HCN1: variants seen among roughly 807,000 people sequenced by gnomAD.
HCN1 encodes potassium/sodium hyperpolarization-activated cyclic nucleotide-gated channel 1.
Under a neutral mutation model 78.9 loss-of-function variants are expected in HCN1, and 13 were observed. That is an observed-to-expected ratio of 0.16 (90% CI 0.11 to 0.26). HCN1 has a LOEUF of 0.26. Ranked by LOEUF, HCN1 falls within the 10% of genes least tolerant of loss-of-function variation. The pLI is 1.00. For synonymous variants in HCN1, 552 were observed against 455.5 expected (o/e 1.21, Z -2.70); for missense variants, 810 against 1,154.3 (o/e 0.70, Z 4.32).
At chr5:45,363,031 C>A (rs1373356652) in intron 4 of HCN1, among the ~76,000 whole-genome samples, 1 of 149,072 alleles carries the variant, frequency 6.7e-6, no homozygotes, top group Non-Finnish European at 1.5e-5. Context: ...TGATTACTAC[C>A]ATGATACTTA....
intron 4 of HCN1, among the ~76,000 whole-genome samples, chr5:45,363,940 C>G (rs773999055): frequency 7.2e-5 from 11 of 152,016 alleles, no homozygotes; most frequent in Non-Finnish European, 1.5e-4. Context: ...TACACGTGGT[C>G]TTACTACTCC....
chr5:45,433,337 T>C (rs1211345057), intron 3 of HCN1, among the ~76,000 whole-genome samples: 3 of 152,124 alleles, frequency 2.0e-5, no homozygotes, highest in African/African-American at 7.2e-5. Context: ...ATGTTGTTAT[T>C]ATTATTGTGT....
chr5:45,574,303 T>C (rs182099111), intron 2 of HCN1, among the ~76,000 whole-genome samples: 3 of 152,158 alleles, frequency 2.0e-5, no homozygotes, highest in Non-Finnish European at 2.9e-5. Context: ...CACATTTTGG[T>C]AATATTCATA....
At chr5:45,377,554 C>G (rs924958946) in intron 4 of HCN1, among the ~76,000 whole-genome samples, 1 of 151,568 alleles carries the variant, frequency 6.6e-6, no homozygotes, top group South Asian at 2.1e-4. Context: ...TGAAACTAAC[C>G]GAGAGCAAAG....
intron 5 of HCN1, among the ~76,000 whole-genome samples, chr5:45,314,462 C>A (rs1351983229): frequency 6.6e-6 from 1 of 152,116 alleles, no homozygotes; most frequent in Non-Finnish European, 1.5e-5. Flanking sequence ...AACTAATGAG[C>A]AAAATAACCA....
chr5:45,400,923 C>G (rs1252239921), intron 3 of HCN1, among the ~76,000 whole-genome samples: 3 of 152,004 alleles, frequency 2.0e-5, no homozygotes, highest in African/African-American at 7.2e-5. Flanking sequence ...TATATATGCT[C>G]TTATTGTTGT....
At chr5:45,541,726 T>C (rs1403931343) in intron 2 of HCN1, among the ~76,000 whole-genome samples, 1 of 152,210 alleles carries the variant, frequency 6.6e-6, no homozygotes, top group Non-Finnish European at 1.5e-5. Flanking sequence ...GGCTTACTGA[T>C]GTATCTTTTC....
chr5:45,665,459 T>C (rs1357166823), intron 1 of HCN1, among the ~76,000 whole-genome samples: 6 of 151,428 alleles, frequency 4.0e-5, no homozygotes, highest in African/African-American at 1.5e-4. Context: ...AATAATAAAA[T>C]AAAAAAAAGA....
chr5:45,350,706 T>G lies in HCN1; in HGVS notation c.1377+2394A>C, dbSNP rs908111397. On this transcript the variant is annotated intron_variant, in intron 5 of 7. Transcript: ENST00000303230. Reference sequence around the variant, plus strand: ...AGGATACAAAATCAATGTACAAAAATCACAAGCATTCTTATACACCAACAA... The same window carrying G: ...AGGATACAAAATCAATGTACAAAAAGCACAAGCATTCTTATACACCAACAA... Among the ~76,000 whole-genome samples, 10 of 150,752 alleles carry G rather than the reference T, an allele frequency of 6.6e-5. 1 individual carries two copies. The highest frequency in any genetic ancestry group is 2.4e-4 in the African/African-American group (10 of 40,984).
At chr5:45,600,394 T>G (rs1242737643) in intron 2 of HCN1, among the ~76,000 whole-genome samples, 1 of 152,198 alleles carries the variant, frequency 6.6e-6, no homozygotes, top group Non-Finnish European at 1.5e-5. Context: ...AATCCTAATA[T>G]GTTCCCAGTA....
intron 2 of HCN1, among the ~76,000 whole-genome samples, chr5:45,497,226 T>G (rs1352484696): frequency 1.3e-5 from 2 of 152,188 alleles, no homozygotes; most frequent in Non-Finnish European, 2.9e-5. Flanking sequence ...GTCCACTTGG[T>G]GCAGAGCTGA....
intron 1 of HCN1, among the ~76,000 whole-genome samples, chr5:45,655,539 C>T (rs993170450): frequency 6.6e-6 from 1 of 152,130 alleles, no homozygotes; most frequent in Non-Finnish European, 1.5e-5. Context: ...GAAGCAATGA[C>T]AATACTTCCA....
intron 3 of HCN1, among the ~76,000 whole-genome samples, chr5:45,436,308 C>T (rs1740559366): frequency 6.6e-6 from 1 of 152,156 alleles, no homozygotes; most frequent in Non-Finnish European, 1.5e-5. Flanking sequence ...CCTACCTAAA[C>T]CCAACTAACT....
At chr5:45,269,935 T>C (rs920050721) in intron 6 of HCN1, among the ~76,000 whole-genome samples, 8 of 152,272 alleles carry the variant, frequency 5.3e-5, no homozygotes, top group African/African-American at 1.7e-4. Flanking sequence ...CCCTTCAAGG[T>C]TCATCAGTAA....
chr5:45,434,005 G>A (rs1053984301), intron 3 of HCN1, among the ~76,000 whole-genome samples: 2 of 152,154 alleles, frequency 1.3e-5, no homozygotes, highest in African/African-American at 4.8e-5. Flanking sequence ...TGGTATATTA[G>A]TTAAGCAAAT....
chr5:45,665,258 T>C (rs1746013498), intron 1 of HCN1, among the ~76,000 whole-genome samples: 1 of 130,828 alleles, frequency 7.6e-6, no homozygotes, highest in South Asian at 2.4e-4. Flanking sequence ...TGAGAACACA[T>C]GGACACAGGA....
At position 45,657,418 on chromosome 5, in the gene HCN1, T is replaced by C. The variant is rs528675048; in HGVS notation, c.426-11810A>G. Among the ~76,000 whole-genome samples the C allele has an allele frequency of 4.9e-4, 75 of 152,298 alleles. No homozygotes were observed. In the South Asian group the frequency reaches 5.6e-3, roughly 11 times the overall value. The stretch of plus-strand genomic sequence containing the variant: ...TTTTTGCTTCAACAGAAAATACACA[T>C]ATGGATGATATGATGTTGCTCAATA... On this transcript the variant is annotated intron_variant, in intron 1 of 7. Coordinates refer to ENST00000303230, the MANE Select transcript of HCN1 (RefSeq NM_021072.4).
At position 45,359,133 on chromosome 5, in the gene HCN1, T is replaced by C. The variant is rs960334452; in HGVS notation, c.1231-5887A>G. On this transcript the variant is annotated intron_variant, in intron 4 of 7. Transcript: ENST00000303230. ...CAGATAATAAATTTGTATGCCCTTTTTTCCTGTTAATCTATTACCAGTTTG... is the reference window on the plus strand; with the variant it reads ...CAGATAATAAATTTGTATGCCCTTTCTTCCTGTTAATCTATTACCAGTTTG... Among the ~76,000 whole-genome samples, 3 of 152,142 alleles carry C rather than the reference T, an allele frequency of 2.0e-5. No homozygotes were observed. In the East Asian group the frequency reaches 5.8e-4, roughly 29 times the overall value.
chr5:45,563,719 A>T (rs1303958586), intron 2 of HCN1, among the ~76,000 whole-genome samples: 2 of 150,864 alleles, frequency 1.3e-5, no homozygotes, highest in Non-Finnish European at 3.0e-5. Flanking sequence ...ACCTCTTTTT[A>T]GTGAATTTAC....
Sources: allele counts gnomAD v4.1 joint callset (sites outside exome capture counted in the v4.1 genomes callset), GRCh38; gene constraint gnomAD v4.1.1; transcripts MANE v1.5; gene names NCBI Gene and HGNC (gene_info 2026-07-23, HGNC 2026-07-21).